STMN4: variants seen among roughly 807,000 people sequenced by gnomAD.
The protein encoded by STMN4 is stathmin-4.
In STMN4, 12 loss-of-function variants were observed where a neutral mutation model predicts 29.1. The ratio of observed to expected loss-of-function variants is 0.41; its 90% CI spans 0.26 to 0.67. The LOEUF (loss-of-function observed/expected upper bound fraction) is 0.67, where lower values mean the gene tolerates loss of function less well. Ranked by LOEUF, STMN4 falls within the 30% of genes least tolerant of loss-of-function variation. The probability of loss-of-function intolerance (pLI) is 0.30; values close to 1 mark genes in which losing one functional copy is unlikely to be tolerated. For missense variants in STMN4, 181 were observed against 262.8 expected, an observed-to-expected ratio of 0.69 and a Z score of 2.15; for synonymous variants, 114 against 105.3, an observed-to-expected ratio of 1.08 and a Z score of -0.51.
chr8:27,256,219 G>A (rs968123880), intron 1 of STMN4, among the ~76,000 whole-genome samples: 1 of 152,184 alleles, frequency 6.6e-6, no homozygotes, highest in Admixed American at 6.5e-5. Flanking sequence ...CAGGAGAATG[G>A]GAAGTTAGTG....
At chr8:27,250,527 C>T (rs980837489) in intron 1 of STMN4, among the ~76,000 whole-genome samples, 2 of 152,100 alleles carry the variant, frequency 1.3e-5, no homozygotes, top group African/African-American at 2.4e-5. Context: ...CATGGTCTTC[C>T]GCGATAATGT....
intron 1 of STMN4, among the ~76,000 whole-genome samples, chr8:27,249,096 C>G (rs183898459): frequency 2.0e-4 from 30 of 152,096 alleles, no homozygotes; most frequent in South Asian, 6.2e-4. Flanking sequence ...GGTGATAACC[C>G]CCCCCAAGCA....
chr8:27,251,076 A>C (rs1367324811), intron 1 of STMN4, among the ~76,000 whole-genome samples: 17 of 151,930 alleles, frequency 1.1e-4, no homozygotes, highest in Admixed American at 1.1e-3. Flanking sequence ...GTGAAACCCC[A>C]TCTCTACTAA....
chr8:27,257,421 C>T (rs533026945), intron 1 of STMN4, among the ~76,000 whole-genome samples: 2 of 150,248 alleles, frequency 1.3e-5, no homozygotes, highest in Non-Finnish European at 3.0e-5. Context: ...GATAAGGGTG[C>T]CTGAACATTC....
chr8:27,246,557 G>A (rs568769934), intron 1 of STMN4, among the ~76,000 whole-genome samples: 6 of 151,376 alleles, frequency 4.0e-5, no homozygotes, highest in Non-Finnish European at 8.8e-5. Flanking sequence ...GTGAATATGA[G>A]CTTATTTGGA....
chr8:27,241,145 A>G lies in STMN4; in HGVS notation c.308T>C (p.Val103Ala), dbSNP rs1801458143. 2 of 1,614,022 alleles carry G rather than the reference A, an allele frequency of 1.2e-6. No individual in the cohort carries two copies. The highest frequency in any genetic ancestry group is 8.5e-7 in the Non-Finnish European group (1 of 1,180,040). Residue 103 changes from valine (V) to alanine (A), a missense_variant, in exon 5 of 7, where the codon GTT (valine) becomes GCT (alanine). Transcript: ENST00000350889. ...VILKPPSFDG[V>A]PEFNASLPRR... Reference sequence around the variant, plus strand: ...TGGCAGGGAGGCGTTGAACTCGGGAACCCCATCAAAGGAGGGTGGCTTCAG... The same window carrying G: ...TGGCAGGGAGGCGTTGAACTCGGGAGCCCCATCAAAGGAGGGTGGCTTCAG...
intron 6 of STMN4, among the ~76,000 whole-genome samples, chr8:27,237,181 T>C (rs1308457980): frequency 1.3e-5 from 2 of 151,788 alleles, no homozygotes; most frequent in Non-Finnish European, 2.9e-5. Flanking sequence ...CCACGCAGCC[T>C]CCCCCTCCCT....
At chr8:27,248,217 C>CTATT (rs140800660) in intron 1 of STMN4, among the ~76,000 whole-genome samples, 6,043 of 152,026 alleles carry the variant, frequency 0.04, 160 homozygotes, top group East Asian at 0.082. Flanking sequence ...AGAGAGGACT[C>CTATT]TATTTATTTA....
intron 1 of STMN4, among the ~76,000 whole-genome samples, chr8:27,251,208 A>G (rs556987067): frequency 5.5e-4 from 84 of 152,122 alleles, no homozygotes; most frequent in Admixed American, 1.4e-3. Context: ...AGCTGAGATC[A>G]TGCCACTGCA....
Position 27,242,458 on chromosome 8 carries a change from C to A in STMN4, c.48G>T (p.Val16=). The A allele has an allele frequency of 6.2e-7, 1 of 1,614,200 alleles. No individual in the cohort carries two copies. Among genetic ancestry groups the A allele is most frequent in the Non-Finnish European group, 8.5e-7 (1 of 1,180,026 alleles). The stretch of plus-strand genomic sequence containing the variant: ...CCAGGAAGCAGGAGCAGAACAAGGA[C>A]ACCAGCGGGAGCTCCTTCATCTTCT... ...YKEKMKELPL[V]SLFCSCFLAD... The change falls in exon 3 of 7, where the codon GTG becomes GTT. Residue 16 remains valine, a synonymous_variant. Transcript: ENST00000350889.
intron 1 of STMN4, among the ~76,000 whole-genome samples, chr8:27,255,040 A>G (rs1203890440): frequency 2.0e-5 from 3 of 151,934 alleles, no homozygotes; most frequent in Non-Finnish European, 4.4e-5. Flanking sequence ...GTCTTCCTAG[A>G]GGGACTAGAG....
Position 27,242,455 on chromosome 8 carries a change from G to A in STMN4, c.51C>T (p.Ser17=). 6.2e-7 allele frequency: 1 copy of A among 1,614,198 alleles called. No individual in the cohort carries two copies. Among genetic ancestry groups the A allele is most frequent in the Middle Eastern group, 1.6e-4 (1 of 6,062 alleles). The part of the protein sequence containing the change: ...KEKMKELPLV[S]LFCSCFLADP... ...CGGCCAGGAAGCAGGAGCAGAACAA[G>A]GACACCAGCGGGAGCTCCTTCATCT... The change falls in exon 3 of 7, where the codon TCC becomes TCT. Residue 17 remains serine, a synonymous_variant. Transcript: ENST00000350889.
intron 1 of STMN4, 88 bp from the exon 2 acceptor site, chr8:27,243,889 T>A (rs1801549644): frequency 2.5e-6 from 3 of 1,191,390 alleles, no homozygotes; most frequent in East Asian, 2.5e-5. Context: ...GGGGAGGGAA[T>A]CTCAGGGGTA....
chr8:27,236,821 T>C lies in STMN4; in HGVS notation c.*25A>G, dbSNP rs375969919. 5 of 1,582,198 alleles carry C rather than the reference T, an allele frequency of 3.2e-6. No homozygotes were observed. In the African/African-American group the frequency reaches 5.5e-5, roughly 17 times the overall value. ...AGCTGCTGGAGCTGTCCGGCTGACC[T>C]GGAAAGTTCTTTGGCCTCTAGGCTT... On this transcript the variant is annotated 3_prime_UTR_variant, in exon 7 of 7. Coordinates refer to ENST00000350889, the MANE Select transcript of STMN4 (RefSeq NM_030795.4).
intron 3 of STMN4, 92 bp downstream of exon 3, chr8:27,242,305 G>T: frequency 2.4e-6 from 3 of 1,240,112 alleles, no homozygotes; most frequent in African/African-American, 1.5e-5. Flanking sequence ...CGGGAGGAGA[G>T]ATTCACGGGA....
intron 1 of STMN4, among the ~76,000 whole-genome samples, chr8:27,247,015 A>G (rs1801642492): frequency 6.6e-6 from 1 of 152,052 alleles, no homozygotes; most frequent in Non-Finnish European, 1.5e-5. Flanking sequence ...GCACTTTGGG[A>G]GGCTGAGGTG....
chr8:27,246,504 T>C (rs1299941546), intron 1 of STMN4, among the ~76,000 whole-genome samples: 1 of 152,204 alleles, frequency 6.6e-6, no homozygotes, highest in Non-Finnish European at 1.5e-5. Context: ...GGTTAAATAA[T>C]GTCCCCTACA....
At chr8:27,239,216 C>T (rs1385628075) in intron 6 of STMN4, 8 of 1,534,994 alleles carry the variant, frequency 5.2e-6, no homozygotes, top group African/African-American at 2.7e-5. Context: ...GCGGGGACCA[C>T]GCTGCTCACC....
chr8:27,240,274 G>A (rs1000382245), intron 5 of STMN4, 112 bp from the exon 6 acceptor site: 1 of 1,173,328 alleles, frequency 8.5e-7, no homozygotes, highest in East Asian at 2.5e-5. Context: ...CCCTGGGCCT[G>A]GTCCCCAGAC....
Sources: gnomAD v4.1 joint callset for allele counts (sites outside exome capture counted in the v4.1 genomes callset) on GRCh38, gnomAD v4.1.1 for gene constraint, MANE v1.5 for transcripts, NCBI Gene and HGNC (gene_info 2026-07-23, HGNC 2026-07-21) for gene names.